Variants in NDST3 observed in about 807,000 individuals in gnomAD.
NDST3 encodes the protein N-deacetylase and N-sulfotransferase 3, also known as bifunctional heparan sulfate N-deacetylase/N-sulfotransferase 3.
In NDST3, 58 loss-of-function variants were observed where a neutral mutation model predicts 96.1. The ratio of observed to expected loss-of-function variants is 0.60; its 90% CI spans 0.49 to 0.75. The LOEUF is 0.75. Among genes scored for constraint, NDST3 ranks in the 30% least tolerant of loss-of-function variants. The pLI is 0.00. For missense variants in NDST3, 788 were observed against 1,034.2 expected, an observed-to-expected ratio of 0.76 and a Z score of 3.27; for synonymous variants, 333 against 359.7, an observed-to-expected ratio of 0.93 and a Z score of 0.84.
intron 6 of NDST3, among the ~76,000 whole-genome samples, chr4:118,187,767 G>A (rs1737059878): frequency 6.6e-6 from 1 of 152,116 alleles, no homozygotes; most frequent in African/African-American, 2.4e-5. Context: ...CATCTTCTTG[G>A]GGAGAAACCT....
chr4:118,089,860 G>A (rs1047843483), intron 2 of NDST3, among the ~76,000 whole-genome samples: 14 of 151,894 alleles, frequency 9.2e-5, no homozygotes, highest in Non-Finnish European at 2.1e-4. Flanking sequence ...TTGAGAACAA[G>A]GTGAAAGCAG....
chr4:118,042,109 C>T (rs1464506293), intron 1 of NDST3, among the ~76,000 whole-genome samples: 3 of 152,128 alleles, frequency 2.0e-5, no homozygotes, highest in Non-Finnish European at 4.4e-5. Flanking sequence ...TGTTATATAA[C>T]ATTGTGATTT....
intron 6 of NDST3, among the ~76,000 whole-genome samples, chr4:118,167,782 A>G (rs1387492166): frequency 2.6e-5 from 4 of 152,200 alleles, no homozygotes; most frequent in African/African-American, 9.6e-5. Flanking sequence ...CTGACCTTTG[A>G]CAAGGGCATC....
intron 3 of NDST3, among the ~76,000 whole-genome samples, chr4:118,112,598 A>C (rs1730729028): frequency 6.6e-6 from 1 of 152,208 alleles, no homozygotes; most frequent in Admixed American, 6.5e-5. Context: ...TCTTGGTTAG[A>C]AGCAGAGATG....
intron 5 of NDST3, 94 bp downstream of exon 5, chr4:118,138,333 A>G: frequency 8.7e-7 from 1 of 1,143,546 alleles, no homozygotes; most frequent in Non-Finnish European, 1.2e-6. Context: ...AGCAGCATAA[A>G]TGTAGGAAAA....
intron 1 of NDST3, among the ~76,000 whole-genome samples, chr4:118,041,391 C>T: frequency 6.6e-6 from 1 of 152,102 alleles, no homozygotes; most frequent in East Asian, 1.9e-4. Flanking sequence ...CATATTATTT[C>T]CTTCAGGGTG....
chr4:118,084,845 G>C (rs1482509374), intron 2 of NDST3, among the ~76,000 whole-genome samples: 1 of 152,172 alleles, frequency 6.6e-6, no homozygotes, highest in African/African-American at 2.4e-5. Context: ...AATGGGCCAA[G>C]CGCGGTGGCT....
intron 12 of NDST3, among the ~76,000 whole-genome samples, chr4:118,247,442 C>T (rs1360283684): frequency 6.6e-6 from 1 of 152,042 alleles, no homozygotes; most frequent in Non-Finnish European, 1.5e-5. Context: ...ATCCCAGCTA[C>T]TCCAGAGGCT....
intron 6 of NDST3, among the ~76,000 whole-genome samples, chr4:118,223,774 T>G (rs1472111408): frequency 6.6e-6 from 1 of 152,132 alleles, no homozygotes; most frequent in Admixed American, 6.6e-5. Context: ...ATTATATATT[T>G]TAGGAAAGTA....
At chr4:118,050,503 A>G (rs1725017582) in intron 1 of NDST3, among the ~76,000 whole-genome samples, 1 of 152,210 alleles carries the variant, frequency 6.6e-6, no homozygotes, top group Non-Finnish European at 1.5e-5. Context: ...CCTAGAACTG[A>G]TAAATGACTT....
chr4:118,230,497 C>T (rs1231928540), intron 8 of NDST3, among the ~76,000 whole-genome samples: 1 of 152,046 alleles, frequency 6.6e-6, no homozygotes, highest in Non-Finnish European at 1.5e-5. Flanking sequence ...ATGGCGTGAA[C>T]CCGGCGGGCG....
chr4:118,112,057 G>C (rs1270868945), intron 3 of NDST3, among the ~76,000 whole-genome samples: 2 of 151,858 alleles, frequency 1.3e-5, no homozygotes, highest in South Asian at 4.1e-4. Flanking sequence ...AGGATTAAAA[G>C]AAATCAGATA....
chr4:118,050,671 G>A (rs1725025999), intron 1 of NDST3, among the ~76,000 whole-genome samples: 2 of 151,588 alleles, frequency 1.3e-5, no homozygotes, highest in South Asian at 2.1e-4. Context: ...TAGCCAAGGA[G>A]GTAAAAGATC....
chr4:118,211,088 C>T (rs1346545018), intron 6 of NDST3, among the ~76,000 whole-genome samples: 1 of 152,194 alleles, frequency 6.6e-6, no homozygotes, highest in Non-Finnish European at 1.5e-5. Flanking sequence ...CTTGCAAATT[C>T]TCTCCTGCAC....
At chr4:118,192,202 G>A (rs1737351958) in intron 6 of NDST3, among the ~76,000 whole-genome samples, 1 of 152,126 alleles carries the variant, frequency 6.6e-6, no homozygotes, top group African/African-American at 2.4e-5. Flanking sequence ...GTCAGATGGG[G>A]AGTTTACAAA....
intron 4 of NDST3, among the ~76,000 whole-genome samples, chr4:118,124,977 A>G (rs1260052698): frequency 6.6e-6 from 1 of 151,976 alleles, no homozygotes; most frequent in Non-Finnish European, 1.5e-5. Flanking sequence ...ACTCACCTAA[A>G]CCTCAAGTTC....
At chr4:118,088,891 T>C (rs1728645618) in intron 2 of NDST3, among the ~76,000 whole-genome samples, 1 of 151,954 alleles carries the variant, frequency 6.6e-6, no homozygotes, top group South Asian at 2.1e-4. Context: ...TAATTGCCTC[T>C]ATTATGATAT....
intron 6 of NDST3, among the ~76,000 whole-genome samples, chr4:118,223,668 A>G (rs2125994034): frequency 6.6e-6 from 1 of 152,154 alleles, no homozygotes; most frequent in East Asian, 1.9e-4. Flanking sequence ...ACCTCAATGA[A>G]TTTTCTTGAA....
At chr4:118,160,753 C>T (rs906572451) in intron 6 of NDST3, among the ~76,000 whole-genome samples, 2 of 152,194 alleles carry the variant, frequency 1.3e-5, no homozygotes, top group African/African-American at 2.4e-5. Context: ...GTATTGGTTA[C>T]TCTAGTTATA....
Sources: allele counts gnomAD v4.1 joint callset (sites outside exome capture counted in the v4.1 genomes callset), GRCh38; gene constraint gnomAD v4.1.1; transcripts MANE v1.5; gene names NCBI Gene and HGNC (gene_info 2026-07-23, HGNC 2026-07-21).